COL18A1: variants seen among roughly 807,000 people sequenced by gnomAD.
COL18A1 encodes the protein collagen alpha-1(XVIII) chain.
COL18A1 carries 133 observed loss-of-function variants against 168.0 expected under a neutral mutation model. The ratio of observed to expected loss-of-function variants is 0.79; its 90% CI spans 0.69 to 0.91. The LOEUF is 0.91. Among genes scored for constraint, COL18A1 ranks in the 40% least tolerant of loss-of-function variants. COL18A1 has a pLI of 0.00. For synonymous variants in COL18A1, 949 were observed against 809.0 expected (o/e 1.17, Z -2.94); for missense variants, 2,126 against 1,925.4 (o/e 1.10, Z -1.95).
intron 2 of COL18A1, among the ~76,000 whole-genome samples, chr21:45,437,486 T>TCACACAGACAGGCACTCTCCTGCACA (rs1425734886): frequency 3.5e-4 from 4 of 11,412 alleles, no homozygotes; most frequent in African/African-American, 1.4e-3. Flanking sequence ...CTGCACACAC[T>TCACACAGACAGGCACTCTCCTGCACA]CACACTCACA....
chr21:45,464,843 G>A (rs570252762), intron 2 of COL18A1, among the ~76,000 whole-genome samples: 18 of 152,332 alleles, frequency 1.2e-4, no homozygotes, highest in African/African-American at 4.3e-4. Context: ...TCCACAGCCT[G>A]AGTCCCAGCT....
chr21:45,482,330 G>T, intron 14 of COL18A1: 1 of 687,232 alleles, frequency 1.5e-6, no homozygotes, highest in Non-Finnish European at 2.7e-6. Flanking sequence ...ATGAGCCTCT[G>T]TCGGACTGAC....
At chr21:45,493,423 C>A in intron 25 of COL18A1, 78 bp from the exon 26 acceptor site, 3 of 1,406,880 alleles carry the variant, frequency 2.1e-6, no homozygotes, top group Non-Finnish European at 3.0e-6. Flanking sequence ...GTCACAGCGG[C>A]CCTGCCTTCG....
chr21:45,427,532 G>A (rs1337929487), intron 2 of COL18A1, among the ~76,000 whole-genome samples: 1 of 152,174 alleles, frequency 6.6e-6, no homozygotes, highest in Non-Finnish European at 1.5e-5. Context: ...CTCTTGCTCC[G>A]CGGCCACCCC....
intron 17 of COL18A1, among the ~76,000 whole-genome samples, chr21:45,488,169 C>A (rs1183130245): frequency 6.6e-6 from 1 of 152,222 alleles, no homozygotes; most frequent in Non-Finnish European, 1.5e-5. Context: ...AGAGACTCAG[C>A]CTGTTGAGAG....
intron 38 of COL18A1, among the ~76,000 whole-genome samples, chr21:45,508,714 T>G (rs1305604015): frequency 6.6e-6 from 1 of 152,130 alleles, no homozygotes; most frequent in Non-Finnish European, 1.5e-5. Flanking sequence ...CTCTCACTCA[T>G]TTGCTGATTC....
intron 2 of COL18A1, among the ~76,000 whole-genome samples, chr21:45,458,303 CA>C (rs772017933): frequency 1.2e-4 from 18 of 150,074 alleles, no homozygotes; most frequent in Non-Finnish European, 2.2e-4. Flanking sequence ...CTCTCCCAGG[CA>C]GGGACCGTGC....
intron 2 of COL18A1, among the ~76,000 whole-genome samples, chr21:45,418,290 TG>T (rs35124549): frequency 6.6e-6 from 1 of 151,986 alleles, no homozygotes; most frequent in South Asian, 2.1e-4. Flanking sequence ...AGTGGTAGGG[TG>T]GGCGTGCCCT....
chr21:45,478,026 G>A (rs1484227858), intron 8 of COL18A1, 61 bp downstream of exon 8: 3 of 949,756 alleles, frequency 3.2e-6, no homozygotes, highest in East Asian at 5.3e-5. Flanking sequence ...TGGGTAGGAG[G>A]GGGAGAGGCT....
intron 18 of COL18A1, among the ~76,000 whole-genome samples, chr21:45,488,923 G>A (rs949539894): frequency 4.2e-5 from 6 of 144,288 alleles, no homozygotes; most frequent in African/African-American, 1.3e-4. Flanking sequence ...CCCAGGCCCC[G>A]AAGCTCCCAG....
At chr21:45,491,814 G>A (rs1050516462) in intron 22 of COL18A1, among the ~76,000 whole-genome samples, 35 of 152,336 alleles carry the variant, frequency 2.3e-4, no homozygotes, top group Middle Eastern at 3.4e-3. Flanking sequence ...AGAGGCAGAC[G>A]CATCTCCGCC....
chr21:45,485,971 G>A (rs780419636), intron 15 of COL18A1, among the ~76,000 whole-genome samples: 1 of 152,228 alleles, frequency 6.6e-6, no homozygotes, highest in Non-Finnish European at 1.5e-5. Flanking sequence ...CGGAAACCGA[G>A]GCTCAGGGAG....
chr21:45,474,934 G>C (rs1420097227), intron 4 of COL18A1, among the ~76,000 whole-genome samples: 2 of 152,204 alleles, frequency 1.3e-5, no homozygotes, highest in African/African-American at 4.8e-5. Context: ...GCCATGACAA[G>C]GCTGCGCCCT....
At chr21:45,418,717 A>C (rs1203629609) in intron 2 of COL18A1, among the ~76,000 whole-genome samples, 17 of 150,120 alleles carry the variant, frequency 1.1e-4, no homozygotes, top group Non-Finnish European at 1.5e-4. Flanking sequence ...CAGCCACCTC[A>C]CGTCACTTCC....
intron 32 of COL18A1, 76 bp from the exon 33 acceptor site, chr21:45,503,935 G>A: frequency 1.9e-6 from 3 of 1,550,152 alleles, no homozygotes; most frequent in Admixed American, 1.7e-5. Context: ...AAACCCACCA[G>A]TGCTGGGGGC....
rs574858636 is a variant in COL18A1 at position 45,504,467 on chromosome 21, C to G, written c.2779C>G (p.Pro927Ala). Residue 927 changes from proline to alanine, a missense_variant, in exon 34 of 42, where the codon CCC (proline) becomes GCC (alanine). By Grantham distance (27) the Pro-to-Ala change is conservative (BLOSUM62 -1). Transcript: ENST00000651438. ...DAGQKGERGE[P>A]GGGGFFGSSL... ...AGGACAGAAAGGCGAAAGGGGGGAGCCCGGGGGCGGCGGTTTCTTCGGCTC... is the reference window on the plus strand; with the variant it reads ...AGGACAGAAAGGCGAAAGGGGGGAGGCCGGGGGCGGCGGTTTCTTCGGCTC... The G allele has an allele frequency of 6.2e-7, 1 of 1,609,718 alleles. No homozygotes were observed. Among genetic ancestry groups the G allele is most frequent in the African/African-American group, 1.3e-5 (1 of 74,754 alleles).
Position 45,505,976 on chromosome 21 carries a change from CTGTG to C in COL18A1, c.3216+13_3216+16del. 6.2e-7 allele frequency: 1 copy of C among 1,613,042 alleles called. No individual in the cohort carries two copies. On this transcript the variant is annotated intron_variant, in intron 37 of 41. Coordinates refer to ENST00000651438, the MANE Select transcript of COL18A1 (RefSeq NM_001379500.1). ...GTTCCGGAAGGTCCAGGTGAGCGCTCTGTGTGACGGGTTCTGGACCCGTGGAAGG... is the reference window on the plus strand; with the variant it reads ...GTTCCGGAAGGTCCAGGTGAGCGCTCTGACGGGTTCTGGACCCGTGGAAGG...
At chr21:45,462,989 C>A (rs1486071816) in intron 2 of COL18A1, among the ~76,000 whole-genome samples, 1 of 152,210 alleles carries the variant, frequency 6.6e-6, no homozygotes. Context: ...GAGCCTGTCC[C>A]TTTCCCTGGG....
At chr21:45,434,482 C>T (rs143766034) in intron 2 of COL18A1, among the ~76,000 whole-genome samples, 4 of 152,204 alleles carry the variant, frequency 2.6e-5, no homozygotes, top group African/African-American at 9.6e-5. Flanking sequence ...TTCTGAGCAT[C>T]AGGCCAGAGG....
Sources: allele counts gnomAD v4.1 joint callset (sites outside exome capture counted in the v4.1 genomes callset), GRCh38; gene constraint gnomAD v4.1.1; transcripts MANE v1.5; gene names NCBI Gene and HGNC (gene_info 2026-07-23, HGNC 2026-07-21).